The following CCDC7 variants were observed in gnomAD, a reference collection of about 807,000 sequenced individuals.
CCDC7 encodes coiled-coil domain containing 7.
CCDC7 carries 183 observed loss-of-function variants against 196.9 expected under a neutral mutation model. The observed-to-expected ratio is 0.93, with a 90% CI of 0.82 to 1.05. CCDC7 has a LOEUF of 1.05. Ranked by LOEUF, CCDC7 falls within the 50% of genes least tolerant of loss-of-function variation. The pLI is 0.00. For synonymous variants in CCDC7, 525 were observed against 484.6 expected, an observed-to-expected ratio of 1.08 and a Z score of -1.10; for missense variants, 1,540 against 1,482.2, an observed-to-expected ratio of 1.04 and a Z score of -0.64.
chr10:32,590,507 A>T (rs2059685110), intron 18 of CCDC7, among the ~76,000 whole-genome samples: 1 of 152,088 alleles, frequency 6.6e-6, no homozygotes, highest in Non-Finnish European at 1.5e-5. Context: ...TTTCTACTTA[A>T]GAGTATTTTA....
chr10:32,766,897 C>A (rs2078399488), intron 28 of CCDC7, among the ~76,000 whole-genome samples: 1 of 152,094 alleles, frequency 6.6e-6, no homozygotes, highest in Non-Finnish European at 1.5e-5. Flanking sequence ...AGGTTAAAAC[C>A]AGGTACTGTG....
intron 5 of CCDC7, among the ~76,000 whole-genome samples, chr10:32,466,206 T>G (rs2036734150): frequency 6.6e-6 from 1 of 152,082 alleles, no homozygotes; most frequent in Non-Finnish European, 1.5e-5. Context: ...ACCAGATATA[T>G]GATCTAAAGG....
chr10:32,806,067 C>T (rs988925880), intron 30 of CCDC7, among the ~76,000 whole-genome samples: 1 of 152,156 alleles, frequency 6.6e-6, no homozygotes, highest in African/African-American at 2.4e-5. Context: ...CAGCACCATT[C>T]CATGGAGAAG....
intron 24 of CCDC7, among the ~76,000 whole-genome samples, chr10:32,701,287 G>T (rs2078676883): frequency 6.6e-6 from 1 of 152,126 alleles, no homozygotes. Flanking sequence ...TTTTGTCAAA[G>T]GCCTTTTCTT....
exon 13 of CCDC7, chr10:32,544,264 A>G: frequency 6.2e-7 from 1 of 1,608,398 alleles, no homozygotes; most frequent in Non-Finnish European, 8.5e-7. Context: ...TCTCCAGAAA[A>G]AGAGTTTAAA....
intron 3 of CCDC7, among the ~76,000 whole-genome samples, chr10:32,462,446 A>G (rs1478530367): frequency 6.6e-6 from 1 of 152,088 alleles, no homozygotes; most frequent in Non-Finnish European, 1.5e-5. Context: ...CTCCCTTTTT[A>G]TATATAAAAA....
At position 32,599,808 on chromosome 10, in the gene CCDC7, C is replaced by G. The variant is rs114237929; in HGVS notation, c.1801+15504C>G. 5.1e-3 allele frequency among the ~76,000 whole-genome samples: 778 copies of G among 152,226 alleles called. 8 individuals are homozygous for G. The highest frequency in any genetic ancestry group is 0.017 in the African/African-American group (695 of 41,560). On this transcript the variant is annotated intron_variant, in intron 18 of 41. Coordinates refer to ENST00000639629, the Ensembl canonical transcript of CCDC7. ...CAGGTTCTTAAATACCTCACCCATT[C>G]CCACCTTTCTTTTTGTATATGGTAA...
chr10:32,713,048 C>A (rs1187774047), intron 25 of CCDC7, among the ~76,000 whole-genome samples: 2 of 152,158 alleles, frequency 1.3e-5, no homozygotes, highest in Non-Finnish European at 2.9e-5. Context: ...CCACATATCC[C>A]ACGAAATACC....
At chr10:32,471,302 A>C (rs2037897459) in intron 6 of CCDC7, 72 bp downstream of exon 7, 2 of 1,520,828 alleles carry the variant, frequency 1.3e-6, no homozygotes, top group South Asian at 2.5e-5. Flanking sequence ...TGAATGTAAG[A>C]TAATGGGTCA....
intron 37 of CCDC7, among the ~76,000 whole-genome samples, chr10:32,847,264 C>T (rs767605711): frequency 6.6e-5 from 10 of 152,054 alleles, no homozygotes; most frequent in Admixed American, 2.0e-4. Flanking sequence ...AAATCAGTAC[C>T]TGGAGATGCT....
intron 11 of CCDC7, among the ~76,000 whole-genome samples, chr10:32,540,438 G>A (rs2051220523): frequency 1.3e-5 from 2 of 152,140 alleles, no homozygotes; most frequent in South Asian, 4.1e-4. Context: ...TGGATCTCTT[G>A]AAGATAGCAT....
At position 32,694,882 on chromosome 10, in the gene CCDC7, A is replaced by G. The variant is rs1213746139; in HGVS notation, c.2348A>G (p.His783Arg). Residue 783 changes from histidine (H) to arginine (R), a missense_variant, in exon 24 of 42, where the codon CAT (histidine) becomes CGT (arginine). By Grantham distance (29) the His-to-Arg change is conservative. Transcript: ENST00000639629. ...CTAAATGCATCTCCTTATGTAGCTC[A>G]TGATGAAGAACCAGGCAAAAATCTT... is the stretch of plus-strand genomic sequence containing the variant. 1.9e-6 allele frequency: 3 copies of G among 1,586,592 alleles called. No individual in the cohort carries two copies. In the African/African-American group the frequency reaches 4.0e-5, roughly 21 times the overall value.
chr10:32,787,797 C>G (rs2082098027), intron 29 of CCDC7, among the ~76,000 whole-genome samples: 1 of 152,174 alleles, frequency 6.6e-6, no homozygotes, highest in Admixed American at 6.5e-5. Context: ...CTAGCAGTCC[C>G]AGCTCCAGGC....
chr10:32,554,575 C>CA, intron 13 of CCDC7, among the ~76,000 whole-genome samples: 1 of 152,180 alleles, frequency 6.6e-6, no homozygotes, highest in Non-Finnish European at 1.5e-5. Flanking sequence ...TTCCAACAAA[C>CA]AGACCTTCTG....
At chr10:32,749,609 A>C (rs2075357703) in intron 28 of CCDC7, among the ~76,000 whole-genome samples, 1 of 152,194 alleles carries the variant, frequency 6.6e-6, no homozygotes, top group Non-Finnish European at 1.5e-5. Context: ...TGATTGTTAC[A>C]AAAATTAGAG....
chr10:32,612,891 T>TG lies in CCDC7; in HGVS notation c.1802-21362dup, dbSNP rs533866745. Among the ~76,000 whole-genome samples, 214 of 151,910 alleles carry TG rather than the reference T, an allele frequency of 1.4e-3. 1 individual carries two copies. The highest frequency in any genetic ancestry group is 4.9e-3 in the African/African-American group (203 of 41,498). On this transcript the variant is annotated intron_variant, in intron 18 of 41. Transcript: ENST00000639629. ...CTGAAATTTTCTTTGTTTTTTTTTT[T>TG]GTTGTGTCTCTGCCAGGTTTTGGTA...
intron 21 of CCDC7, among the ~76,000 whole-genome samples, chr10:32,670,280 A>C (rs573197324): frequency 1.1e-4 from 17 of 152,266 alleles, no homozygotes; most frequent in Admixed American, 7.9e-4. Flanking sequence ...CTCCCCAGTC[A>C]ACAGTTCATA....
chr10:32,739,829 A>C (rs1265159479), intron 28 of CCDC7, among the ~76,000 whole-genome samples: 1 of 150,846 alleles, frequency 6.6e-6, no homozygotes, highest in African/African-American at 2.4e-5. Flanking sequence ...TCAAATGATA[A>C]AATTTTCTAA....
chr10:32,645,372 C>T (rs2140010717), intron 20 of CCDC7, among the ~76,000 whole-genome samples: 1 of 152,008 alleles, frequency 6.6e-6, no homozygotes, highest in Admixed American at 6.6e-5. Context: ...GATATGAATC[C>T]CACTCGATCA....
Sources: gnomAD v4.1 joint callset for allele counts (sites outside exome capture counted in the v4.1 genomes callset) on GRCh38, gnomAD v4.1.1 for gene constraint, MANE v1.5 for transcripts, NCBI Gene and HGNC (gene_info 2026-07-23, HGNC 2026-07-21) for gene names.